The following DMD variants were observed in gnomAD, a reference collection of about 807,000 sequenced individuals.
The protein encoded by DMD is mutant dystrophin.
Under a neutral mutation model 330.1 loss-of-function variants are expected in DMD, and 63 were observed. That is an observed-to-expected ratio of 0.19 (90% CI 0.16 to 0.24). The LOEUF (loss-of-function observed/expected upper bound fraction) is 0.24. Among genes scored for constraint, DMD ranks in the 10% least tolerant of loss-of-function variants. The probability of loss-of-function intolerance (pLI) is 1.00; values close to 1 mark genes in which losing one functional copy is unlikely to be tolerated. For synonymous variants in DMD, 1,223 were observed against 959.8 expected, an observed-to-expected ratio of 1.27 and a Z score of -5.07; for missense variants, 3,344 against 2,684.1, an observed-to-expected ratio of 1.25 and a Z score of -5.43.
intron 7 of DMD, among the ~76,000 whole-genome samples, chrX:32,723,785 G>A (rs187981735): frequency 5.6e-4 from 62 of 110,291 alleles, no homozygotes; most frequent in African/African-American, 2.0e-3. Context: ...TCAGGGGTAT[G>A]TAATCTTTTG....
At chrX:32,364,155 C>G (rs1440058431) in intron 36 of DMD, among the ~76,000 whole-genome samples, 1 of 111,768 alleles carries the variant, frequency 8.9e-6, no homozygotes, top group African/African-American at 3.3e-5. Context: ...AGACTAATTA[C>G]CAAGATTTGG....
At chrX:31,439,726 T>C (rs1406455527) in intron 60 of DMD, among the ~76,000 whole-genome samples, 1 of 112,200 alleles carries the variant, frequency 8.9e-6, no homozygotes, top group Non-Finnish European at 1.9e-5. Flanking sequence ...TTCCTTTATA[T>C]ACTACTTGCG....
chrX:32,529,178 G>A (rs187291753), intron 17 of DMD, among the ~76,000 whole-genome samples: 1,297 of 106,702 alleles, frequency 0.012, 23 homozygotes, highest in Admixed American at 0.07. Flanking sequence ...GCCCGACTCA[G>A]CCTCCCAAAG....
intron 1 of DMD, among the ~76,000 whole-genome samples, chrX:33,277,045 C>T (rs1336213994): frequency 1.8e-5 from 2 of 111,664 alleles, no homozygotes; most frequent in African/African-American, 3.3e-5. Context: ...GATCACTTCA[C>T]GTAAGCACAA....
intron 12 of DMD, among the ~76,000 whole-genome samples, chrX:32,608,617 A>G (rs1175416802): frequency 1.8e-5 from 2 of 110,582 alleles, no homozygotes; most frequent in East Asian, 5.7e-4. Flanking sequence ...AATTGAAATT[A>G]TCAAACTTTC....
Position 33,301,021 on chromosome X carries a change from G to A in DMD, c.7+38238C>T, listed in dbSNP as rs756555198. Among the ~76,000 whole-genome samples, 7 of 111,753 alleles carry A rather than the reference G, an allele frequency of 6.3e-5. No individual in the cohort carries two copies. In the South Asian group the frequency reaches 1.1e-3, roughly 18 times the overall value. On this transcript the variant is annotated intron_variant, in intron 1 of 17. Coordinates refer to the DMD transcript ENST00000288447. ...GCAAAGAGACCAATTAACAAGGTTC[G>A]ATAAAGCAGTATCCATGCACTCGCT...
intron 1 of DMD, among the ~76,000 whole-genome samples, chrX:33,231,018 T>C (rs1442847296): frequency 8.9e-6 from 1 of 111,802 alleles, no homozygotes; most frequent in Non-Finnish European, 1.9e-5. Flanking sequence ...ATGAGTATTT[T>C]GCAACAGTAT....
At chrX:33,303,364 T>C (rs1299557471) in intron 1 of DMD, among the ~76,000 whole-genome samples, 4 of 111,829 alleles carry the variant, frequency 3.6e-5, no homozygotes, top group Middle Eastern at 4.2e-3. Flanking sequence ...TCTTCTAAGA[T>C]TAAAATGATA....
At chrX:32,829,543 T>A (rs2079000660) in intron 4 of DMD, among the ~76,000 whole-genome samples, 1 of 112,103 alleles carries the variant, frequency 8.9e-6, no homozygotes, top group Admixed American at 9.5e-5. Context: ...ATTTTGTTAA[T>A]CTTTTCAAGA....
At chrX:33,069,421 A>C (rs2148143807) in intron 1 of DMD, among the ~76,000 whole-genome samples, 1 of 111,893 alleles carries the variant, frequency 8.9e-6, no homozygotes, top group Non-Finnish European at 1.9e-5. Flanking sequence ...AAATTCTGCC[A>C]ATTTACATAC....
rs2053628304 is a variant in DMD at position 33,299,307 on chromosome X, C to T, written c.7+39952G>A. On this transcript the variant is annotated intron_variant, in intron 1 of 17. Transcript: ENST00000288447. ...GGTACTTGTAGGACTTTGCAGAAGA[C>T]TTTTGATCTGAATGGCAGTAAGTTT... Among the ~76,000 whole-genome samples, 2 of 111,507 alleles carry T rather than the reference C, an allele frequency of 1.8e-5. 1 individual carries two copies. Among genetic ancestry groups the T allele is most frequent in the African/African-American group, 6.5e-5 (2 of 30,678 alleles).
At chrX:32,700,682 T>G (rs2064038723) in intron 7 of DMD, among the ~76,000 whole-genome samples, 1 of 111,606 alleles carries the variant, frequency 9.0e-6, no homozygotes, top group Admixed American at 9.6e-5. Context: ...AATTTTAGTT[T>G]TTTAATCATT....
At chrX:31,904,136 T>A (rs1437361550) in intron 47 of DMD, among the ~76,000 whole-genome samples, 1 of 111,610 alleles carries the variant, frequency 9.0e-6, no homozygotes, top group Non-Finnish European at 1.9e-5. Context: ...GTATTAAAGT[T>A]TATGACAACA....
chrX:32,853,568 A>G (rs1005049134), intron 2 of DMD, among the ~76,000 whole-genome samples: 2 of 110,649 alleles, frequency 1.8e-5, no homozygotes, highest in African/African-American at 6.6e-5. Context: ...AGCCTCAAAT[A>G]AGAAGATATA....
At chrX:31,767,486 G>A (rs1043786765) in intron 51 of DMD, among the ~76,000 whole-genome samples, 1 of 111,630 alleles carries the variant, frequency 9.0e-6, no homozygotes, top group Non-Finnish European at 1.9e-5. Flanking sequence ...TGGGGGTCTG[G>A]GTTTATGTTA....
chrX:32,676,550 A>G (rs1055071180), intron 9 of DMD, among the ~76,000 whole-genome samples: 2 of 111,121 alleles, frequency 1.8e-5, no homozygotes, highest in African/African-American at 6.5e-5. Context: ...CCTTTACACT[A>G]TGTGTACACA....
chrX:33,008,961 CAT>C lies in DMD; in HGVS notation c.93+11176_93+11177del, dbSNP rs1418164583. ...ACACACGTATATATACGTATATATACATATGTGTATATACACTTATGTATATA... is the reference window on the plus strand; with the variant it reads ...ACACACGTATATATACGTATATATACATGTGTATATACACTTATGTATATA... On this transcript the variant is annotated intron_variant, in intron 2 of 78. Coordinates refer to ENST00000357033, the MANE Select transcript of DMD (RefSeq NM_004006.3). 1.3e-4 allele frequency among the ~76,000 whole-genome samples: 12 copies of C among 93,514 alleles called. No homozygotes were observed. The East Asian group carries it at 1.4e-3, about 11-fold the overall frequency. 81.2% of individuals were successfully genotyped at this position (93,514 alleles called of 115,157 possible). A position where few individuals can be genotyped will look rare whatever the true frequency, so the allele number is the denominator to read the frequency against.
intron 63 of DMD, among the ~76,000 whole-genome samples, chrX:31,239,999 AT>A (rs1312633281): frequency 8.9e-6 from 1 of 111,820 alleles, no homozygotes; most frequent in Non-Finnish European, 1.9e-5. Context: ...TTGAATAATG[AT>A]TTTTTTGTTT....
At chrX:32,096,191 T>A (rs1360534530) in intron 44 of DMD, among the ~76,000 whole-genome samples, 1 of 111,761 alleles carries the variant, frequency 8.9e-6, no homozygotes, top group Admixed American at 9.5e-5. Context: ...GGTTTAATCA[T>A]CCCCCAAACC....
Sources: gnomAD v4.1 joint callset for allele counts (sites outside exome capture counted in the v4.1 genomes callset) on GRCh38, gnomAD v4.1.1 for gene constraint, MANE v1.5 for transcripts, NCBI Gene and HGNC (gene_info 2026-07-23, HGNC 2026-07-21) for gene names.